The following SLC49A4 variants were observed in gnomAD, a reference collection of about 807,000 sequenced individuals.
SLC49A4 encodes the protein solute carrier family 49 member 4.
A neutral mutation model predicts 50.6 loss-of-function variants in SLC49A4; 36 were observed. The observed-to-expected ratio is 0.71, with a 90% CI of 0.55 to 0.94. The LOEUF (loss-of-function observed/expected upper bound fraction) is 0.94, where lower values mean the gene tolerates loss of function less well. Ranked by LOEUF, SLC49A4 falls within the 40% of genes least tolerant of loss-of-function variation. The pLI is 0.00. For synonymous variants in SLC49A4, 248 were observed against 241.2 expected (o/e 1.03, Z -0.26); for missense variants, 503 against 605.7 (o/e 0.83, Z 1.78).
At chr3:122,877,391 C>CTT (rs1937279131) in intron 8 of SLC49A4, among the ~76,000 whole-genome samples, 1 of 152,144 alleles carries the variant, frequency 6.6e-6, no homozygotes, top group Non-Finnish European at 1.5e-5. Context: ...AACCATGGCG[C>CTT]TAAAGAGCAA....
intron 1 of SLC49A4, 149 bp from the exon 2 acceptor site, chr3:122,806,708 G>GTTT (rs35035359): frequency 1.5e-4 from 73 of 472,654 alleles, no homozygotes; most frequent in Admixed American, 3.5e-4. Flanking sequence ...AGGGTTCGTT[G>GTTT]TTTTTTTTTT....
chr3:122,816,736 C>T (rs1305403154), intron 2 of SLC49A4, among the ~76,000 whole-genome samples: 1 of 152,160 alleles, frequency 6.6e-6, no homozygotes, highest in African/African-American at 2.4e-5. Flanking sequence ...ACCTTCTCCC[C>T]AGGGAGATGA....
At chr3:122,846,430 T>G (rs760536184) in intron 5 of SLC49A4, among the ~76,000 whole-genome samples, 27 of 152,216 alleles carry the variant, frequency 1.8e-4, no homozygotes, top group Non-Finnish European at 3.7e-4. Flanking sequence ...AAAATTTGTC[T>G]ATTCTGCTTT....
At chr3:122,828,267 T>C (rs1020772503) in intron 3 of SLC49A4, among the ~76,000 whole-genome samples, 1 of 152,148 alleles carries the variant, frequency 6.6e-6, no homozygotes, top group African/African-American at 2.4e-5. Flanking sequence ...AATTGTAAAA[T>C]AGAGCAGGGA....
At chr3:122,835,626 A>G (rs563860514) in intron 4 of SLC49A4, among the ~76,000 whole-genome samples, 24 of 152,334 alleles carry the variant, frequency 1.6e-4, no homozygotes, top group African/African-American at 4.8e-4. Flanking sequence ...AAAGCTGTAT[A>G]TGACAAACCC....
chr3:122,826,655 T>G, intron 2 of SLC49A4, 145 bp from the exon 3 acceptor site: 2 of 768,724 alleles, frequency 2.6e-6, no homozygotes, highest in Non-Finnish European at 4.1e-6. Context: ...AGAAGGTAAA[T>G]CAACATGTCT....
At chr3:122,808,955 G>A (rs1936260883) in intron 2 of SLC49A4, among the ~76,000 whole-genome samples, 1 of 152,172 alleles carries the variant, frequency 6.6e-6, no homozygotes, top group South Asian at 2.1e-4. Context: ...GAAGTTGGGG[G>A]AATGGAAAGG....
At chr3:122,849,076 C>A (rs1936891933) in intron 5 of SLC49A4, among the ~76,000 whole-genome samples, 1 of 152,128 alleles carries the variant, frequency 6.6e-6, no homozygotes, top group Admixed American at 6.5e-5. Flanking sequence ...TCTTTCTATA[C>A]CTGGCTTATT....
At chr3:122,846,876 G>T (rs1459731285) in intron 5 of SLC49A4, among the ~76,000 whole-genome samples, 2 of 152,204 alleles carry the variant, frequency 1.3e-5, no homozygotes, top group Non-Finnish European at 2.9e-5. Context: ...AAAGAAGAGG[G>T]CTGTGCAGAA....
At chr3:122,809,972 A>G (rs1033532733) in intron 2 of SLC49A4, among the ~76,000 whole-genome samples, 1 of 152,244 alleles carries the variant, frequency 6.6e-6, no homozygotes, top group Admixed American at 6.5e-5. Flanking sequence ...CAATTGGAAC[A>G]TGTATTTTCA....
In SLC49A4 at chr3:122,809,890, G is replaced by A. The variant is rs1576291993; in HGVS notation, c.437+2940G>A. Among the ~76,000 whole-genome samples the A allele has an allele frequency of 5.3e-5, 8 of 152,218 alleles. No homozygotes were observed. In the South Asian group the frequency reaches 1.5e-3, roughly 28 times the overall value. The stretch of plus-strand genomic sequence containing the variant: ...ACCCCTTGAAATAAGACTTCATTTC[G>A]TAGTCTTTAAGCATATCTTTTAAGC... On this transcript the variant is annotated intron_variant, in intron 2 of 8. Coordinates refer to ENST00000261038, the MANE Select transcript of SLC49A4 (RefSeq NM_032839.3).
Position 122,803,825 on chromosome 3 carries a change from G to T in SLC49A4, c.344-3032G>T, listed in dbSNP as rs569911737. 3.9e-5 allele frequency among the ~76,000 whole-genome samples: 6 copies of T among 152,284 alleles called. No homozygotes were observed. The South Asian group carries it at 1.0e-3, about 26-fold the overall frequency. ...CCCAGCAAAAGGAGTTATCACATCT[G>T]TTGAAAGGAAGCATTCTGAATGTTG... On this transcript the variant is annotated intron_variant, in intron 1 of 8. Transcript: ENST00000261038.
chr3:122,821,113 G>T (rs1171663188), intron 2 of SLC49A4, among the ~76,000 whole-genome samples: 1 of 152,204 alleles, frequency 6.6e-6, no homozygotes, highest in Non-Finnish European at 1.5e-5. Flanking sequence ...GCCATGTAAG[G>T]CATGCCTTTA....
At chr3:122,840,472 G>A (rs1293034891) in intron 4 of SLC49A4, among the ~76,000 whole-genome samples, 5 of 152,090 alleles carry the variant, frequency 3.3e-5, no homozygotes, top group African/African-American at 9.7e-5. Context: ...GGAAAAATAA[G>A]TAAAATTAAT....
intron 4 of SLC49A4, among the ~76,000 whole-genome samples, chr3:122,838,826 C>T (rs545043912): frequency 6.6e-6 from 1 of 152,140 alleles, no homozygotes; most frequent in African/African-American, 2.4e-5. Flanking sequence ...AAGCAATCTA[C>T]AGATTCAGTG....
intron 5 of SLC49A4, among the ~76,000 whole-genome samples, chr3:122,850,008 G>T (rs188609408): frequency 1.3e-5 from 2 of 151,666 alleles, no homozygotes; most frequent in Admixed American, 1.3e-4. Context: ...AGTGCAGCTC[G>T]CTGCCAGCAC....
intron 1 of SLC49A4, among the ~76,000 whole-genome samples, chr3:122,800,968 A>T (rs1364262434): frequency 6.6e-6 from 1 of 152,226 alleles, no homozygotes; most frequent in Non-Finnish European, 1.5e-5. Context: ...ACTGATTATT[A>T]ATTTGAAGTC....
intron 8 of SLC49A4, among the ~76,000 whole-genome samples, chr3:122,873,290 C>T (rs1011451362): frequency 1.3e-5 from 2 of 152,284 alleles, no homozygotes; most frequent in South Asian, 2.1e-4. Context: ...AGCGATTCTC[C>T]CGCCTCAGCC....
chr3:122,803,570 G>C (rs571974803), intron 1 of SLC49A4, among the ~76,000 whole-genome samples: 59 of 152,334 alleles, frequency 3.9e-4, no homozygotes, highest in African/African-American at 1.4e-3. Flanking sequence ...AGGGTTATGA[G>C]CAGGGAAAAG....
Sources: allele counts gnomAD v4.1 joint callset (sites outside exome capture counted in the v4.1 genomes callset), GRCh38; gene constraint gnomAD v4.1.1; transcripts MANE v1.5; gene names NCBI Gene and HGNC (gene_info 2026-07-23, HGNC 2026-07-21).